The following PCDHGA6 variants were observed in gnomAD, a reference collection of about 807,000 sequenced individuals.
PCDHGA6 encodes protocadherin gamma-A6.
PCDHGA6 carries 41 observed loss-of-function variants against 60.6 expected under a neutral mutation model. The observed-to-expected ratio is 0.68, with a 90% CI of 0.53 to 0.88. The LOEUF (loss-of-function observed/expected upper bound fraction) is 0.88, where lower values mean the gene tolerates loss of function less well. Ranked by LOEUF, PCDHGA6 falls within the 40% of genes least tolerant of loss-of-function variation. The probability of loss-of-function intolerance (pLI) is 0.00; values close to 1 mark genes in which losing one functional copy is unlikely to be tolerated. For synonymous variants in PCDHGA6, 594 were observed against 524.4 expected, an observed-to-expected ratio of 1.13 and a Z score of -1.81; for missense variants, 1,312 against 1,203.0, an observed-to-expected ratio of 1.09 and a Z score of -1.34.
At chr5:141,423,387 G>T (rs373190092) in intron 1 of PCDHGA6, 1 of 1,614,162 alleles carries the variant, frequency 6.2e-7, no homozygotes, top group Non-Finnish European at 8.5e-7. Context: ...TGTGGCGCTG[G>T]CATAAGTCAC....
At position 141,432,025 on chromosome 5, in the gene PCDHGA6, G is replaced by C. The variant is rs768627576; in HGVS notation, c.2424+55518G>C. 2 of 1,614,158 alleles carry C rather than the reference G, an allele frequency of 1.2e-6. No homozygotes were observed. The highest frequency in any genetic ancestry group is 3.3e-4 in the Middle Eastern group (2 of 6,062). ...AGGTTCCTAGCTACAACATCACAGTGACCGCCACTGACCGGGGAACCCCGC... is the reference window on the plus strand; with the variant it reads ...AGGTTCCTAGCTACAACATCACAGTCACCGCCACTGACCGGGGAACCCCGC... On this transcript the variant is annotated intron_variant, in intron 1 of 3. Transcript: ENST00000517434. The surrounding 1 kb of genome is among the most constrained non-coding windows in gnomAD (Gnocchi z 6.0).
At chr5:141,382,840 A>C in intron 1 of PCDHGA6, 1 of 1,450,368 alleles carries the variant, frequency 6.9e-7, no homozygotes, top group Admixed American at 2.3e-5. Flanking sequence ...CCACCCGGAT[A>C]CACCCGCATT....
chr5:141,400,776 G>T (rs1461818790), intron 1 of PCDHGA6: 3 of 557,594 alleles, frequency 5.4e-6, no homozygotes, highest in Non-Finnish European at 9.4e-6. Context: ...CATTTGGTGC[G>T]TTTTTTTGTC....
chr5:141,507,495 G>T (rs375483743), intron 3 of PCDHGA6, among the ~76,000 whole-genome samples: 2 of 152,234 alleles, frequency 1.3e-5, no homozygotes, highest in Non-Finnish European at 2.9e-5. Context: ...AGGCAGAGCT[G>T]TCCCAGGTCT....
Position 141,374,887 on chromosome 5 carries a change from C to T in PCDHGA6, c.804C>T (p.Asp268=), listed in dbSNP as rs1248527882. The T allele has an allele frequency of 6.2e-7, 1 of 1,613,670 alleles. No homozygotes were observed. The change falls in exon 1 of 4, where the codon GAC becomes GAT. Residue 268 remains aspartate, a synonymous_variant. Transcript: ENST00000517434. Reference sequence around the variant, plus strand: ...CAGTGTTGGCAGTGACTGCCACCGACCAGGATGAAGGAGTCCACGGGGAAG... The same window carrying T: ...CAGTGTTGGCAGTGACTGCCACCGATCAGGATGAAGGAGTCCACGGGGAAG... ...GTPVLAVTAT[D]QDEGVHGEVT...
Position 141,375,495 on chromosome 5 carries a change from T to A in PCDHGA6, c.1412T>A (p.Ile471Asn). Residue 471 changes from isoleucine (I) to asparagine (N), a missense_variant, in exon 1 of 4, where the codon ATC (isoleucine) becomes AAC (asparagine). Transcript: ENST00000517434. ...GAAAACAACCCCAGGGGTGCCTCCA[T>A]CTTCTCTGTGAATGCACTGGACCCT... Reference protein sequence around the residue: ...VLENNPRGASIFSVNALDPDV... With the variant: ...VLENNPRGASNFSVNALDPDV... The A allele has an allele frequency of 6.2e-7, 1 of 1,613,918 alleles. No individual in the cohort carries two copies. The highest frequency in any genetic ancestry group is 1.7e-5 in the Admixed American group (1 of 60,018).
Position 141,399,638 on chromosome 5 carries a change from G to A in PCDHGA6, c.2424+23131G>A, listed in dbSNP as rs1180030777. The A allele has an allele frequency of 3.7e-6, 6 of 1,613,860 alleles. No individual in the cohort carries two copies. The highest frequency in any genetic ancestry group is 1.3e-5 in the African/African-American group (1 of 75,082). ...GCACTGGCCTCTTACGTGTCCATGAGCGCGCAAAGTGGGGTGGTGTTCGCG... is the reference window on the plus strand; with the variant it reads ...GCACTGGCCTCTTACGTGTCCATGAACGCGCAAAGTGGGGTGGTGTTCGCG... On this transcript the variant is annotated intron_variant, in intron 1 of 3. Coordinates refer to ENST00000517434, the MANE Select transcript of PCDHGA6 (RefSeq NM_018919.3).
chr5:141,485,134 C>T lies in PCDHGA6; in HGVS notation c.2425-9673C>T. The T allele has an allele frequency of 6.7e-7, 1 of 1,495,958 alleles. No homozygotes were observed. The highest frequency in any genetic ancestry group is 1.4e-5 in the African/African-American group (1 of 72,714). 92.7% of individuals were successfully genotyped at this position (1,495,958 alleles called of 1,614,324 possible). On this transcript the variant is annotated intron_variant, in intron 1 of 3. Transcript: ENST00000517434. The surrounding 1 kb of genome is among the most constrained non-coding windows in gnomAD (Gnocchi z 5.7). Reference sequence around the variant, plus strand: ...CTGTTTGGGGCGGGTCGGCTTCATCCGCGTCTCAGGAGCAAGTAGAGAATT... The same window carrying T: ...CTGTTTGGGGCGGGTCGGCTTCATCTGCGTCTCAGGAGCAAGTAGAGAATT...
At chr5:141,448,893 C>G (rs957997508) in intron 1 of PCDHGA6, among the ~76,000 whole-genome samples, 2 of 151,948 alleles carry the variant, frequency 1.3e-5, no homozygotes, top group Non-Finnish European at 2.9e-5. Flanking sequence ...TGCAGTGAGC[C>G]GAGATCGTGC....
At chr5:141,399,372 T>C (rs1333971188) in intron 1 of PCDHGA6, 8 of 1,613,970 alleles carry the variant, frequency 5.0e-6, no homozygotes, top group Non-Finnish European at 6.8e-6. Flanking sequence ...CGGAGTACAA[T>C]GTCACCATCA....
chr5:141,393,137 C>T (rs777446564), intron 1 of PCDHGA6: 14 of 1,613,286 alleles, frequency 8.7e-6, no homozygotes, highest in South Asian at 2.2e-5. Context: ...ATATTAACAC[C>T]CTGGTTGAGG....
rs115808055 is a variant in PCDHGA6 at position 141,476,782 on chromosome 5, A to G, written c.2425-18025A>G. Reference sequence around the variant, plus strand: ...TGACGGCGTTGGACGGAGGGACCCCAGCTCTCTCCGCCAGCCTGCCTATTC... The same window carrying G: ...TGACGGCGTTGGACGGAGGGACCCCGGCTCTCTCCGCCAGCCTGCCTATTC... On this transcript the variant is annotated intron_variant, in intron 1 of 3. Transcript: ENST00000517434. This position sits in a 1 kb window ranked among gnomAD's most constrained non-coding sequence, Gnocchi z 7.6. 18,517 of 1,613,566 alleles carry G rather than the reference A, an allele frequency of 0.011. 139 individuals are homozygous for G. Among genetic ancestry groups the G allele is most frequent in the Non-Finnish European group, 0.014 (16,976 of 1,179,996 alleles).
In PCDHGA6 at chr5:141,423,758, G is replaced by T. The variant is rs1192987646; in HGVS notation, c.2424+47251G>T. Reference sequence around the variant, plus strand: ...CTGTTATGAAAACTGTTTGGGGGGGGGGTGGGGCGGCATATATTTAGTTCA... The same window carrying T: ...CTGTTATGAAAACTGTTTGGGGGGGTGGTGGGGCGGCATATATTTAGTTCA... On this transcript the variant is annotated intron_variant, in intron 1 of 3. Transcript: ENST00000517434. 1.4e-4 allele frequency: 53 copies of T among 366,832 alleles called. 6 individuals carry two copies. The highest frequency in any genetic ancestry group is 3.4e-4 in the South Asian group (4 of 11,762). 22.7% of individuals were successfully genotyped at this position (366,832 alleles called of 1,614,324 possible).
chr5:141,486,211 T>C lies in PCDHGA6; in HGVS notation c.2425-8596T>C, dbSNP rs779905477. On this transcript the variant is annotated intron_variant, in intron 1 of 3. Coordinates refer to ENST00000517434, the MANE Select transcript of PCDHGA6 (RefSeq NM_018919.3). The surrounding 1 kb of genome is among the most constrained non-coding windows in gnomAD (Gnocchi z 5.0). ...TGGATCTGCTGGACGTAAATGACAA[T>C]GCCCCTTACATCACAGTGACCTCAG... 6.2e-7 allele frequency: 1 copy of C among 1,614,142 alleles called. No homozygotes were observed. Among genetic ancestry groups the C allele is most frequent in the Non-Finnish European group, 8.5e-7 (1 of 1,180,024 alleles).
Position 141,431,500 on chromosome 5 carries a change from C to T in PCDHGA6, c.2424+54993C>T, listed in dbSNP as rs903027252. On this transcript the variant is annotated intron_variant, in intron 1 of 3. Transcript: ENST00000517434. This position sits in a 1 kb window ranked among gnomAD's most constrained non-coding sequence, Gnocchi z 4.8. ...CACCAGCGTTTGCTCAGCCCGAGTACCGCGCGAGCGTTCCGGAGAATCTGG... is the reference window on the plus strand; with the variant it reads ...CACCAGCGTTTGCTCAGCCCGAGTATCGCGCGAGCGTTCCGGAGAATCTGG... The T allele has an allele frequency of 4.4e-5, 71 of 1,613,894 alleles. No individual in the cohort carries two copies. The highest frequency in any genetic ancestry group is 5.9e-5 in the Non-Finnish European group (70 of 1,180,050).
rs536970079 is a variant in PCDHGA6 at position 141,405,367 on chromosome 5, T to C, written c.2424+28860T>C. The C allele has an allele frequency of 1.9e-5, 30 of 1,613,694 alleles. No homozygotes were observed. In the African/African-American group the frequency reaches 3.2e-4, roughly 17 times the overall value. The stretch of plus-strand genomic sequence containing the variant: ...CCAAGTTTCCTATAGAAGACACCCC[T>C]TTGGTTCCGGTGAGTTCATTTTTTT... On this transcript the variant is annotated intron_variant, in intron 1 of 3. Transcript: ENST00000517434.
At chr5:141,443,751 A>C (rs1372334547) in intron 1 of PCDHGA6, among the ~76,000 whole-genome samples, 3 of 152,230 alleles carry the variant, frequency 2.0e-5, no homozygotes, top group African/African-American at 7.2e-5. Context: ...GTGAATTGGA[A>C]GCTTACAATA....
intron 1 of PCDHGA6, chr5:141,399,391 G>C: frequency 2.5e-6 from 4 of 1,613,964 alleles, no homozygotes; most frequent in Non-Finnish European, 3.4e-6. Flanking sequence ...CACAGCCACA[G>C]ACAGGGGCAA....
intron 1 of PCDHGA6, among the ~76,000 whole-genome samples, chr5:141,482,981 A>T (rs1377809325): frequency 6.7e-6 from 1 of 150,250 alleles, no homozygotes; most frequent in Admixed American, 6.6e-5. Flanking sequence ...GCTACTTGAG[A>T]GGTCGAGGCA....
Sources: gnomAD v4.1 joint callset for allele counts (sites outside exome capture counted in the v4.1 genomes callset) on GRCh38, gnomAD v4.1.1 for gene constraint, Gnocchi (gnomAD v3.1) non-coding constraint, MANE v1.5 for transcripts, NCBI Gene and HGNC (gene_info 2026-07-23, HGNC 2026-07-21) for gene names.